RARB: variants seen among roughly 807,000 people sequenced by gnomAD.
The protein encoded by RARB is HBV-activated protein.
Under a neutral mutation model 51.9 loss-of-function variants are expected in RARB, and 17 were observed. The observed-to-expected ratio is 0.33, with a 90% CI of 0.22 to 0.49. RARB has a LOEUF of 0.49. Among genes scored for constraint, RARB ranks in the 20% least tolerant of loss-of-function variants. The pLI, the probability that RARB is intolerant of heterozygous loss-of-function variation, is 0.99. For synonymous variants in RARB, 215 were observed against 195.4 expected (o/e 1.10, Z -0.84); for missense variants, 369 against 550.8 (o/e 0.67, Z 3.30).
Position 25,098,558 on chromosome 3 carries a change from C to G in RARB, c.-327-33603C>G, listed in dbSNP as rs1225054525. On this transcript the variant is annotated intron_variant, in intron 3 of 11. Coordinates refer to the RARB transcript ENST00000383772. ...TTGCTGGGAAAAGATGAACCTAGAT[C>G]AGGATTAACAAACTACGGCTGGTGG... is the stretch of plus-strand genomic sequence containing the variant. Among the ~76,000 whole-genome samples, 3 of 152,242 alleles carry G rather than the reference C, an allele frequency of 2.0e-5. No individual in the cohort carries two copies. The East Asian group carries it at 5.8e-4, about 29-fold the overall frequency.
At chr3:25,357,126 C>T (rs973031448) in intron 5 of RARB, among the ~76,000 whole-genome samples, 2 of 152,194 alleles carry the variant, frequency 1.3e-5, no homozygotes, top group Non-Finnish European at 2.9e-5. Flanking sequence ...TTTATACTCC[C>T]ACCAACAGTG....
At chr3:25,391,046 C>T (rs532513683) in intron 5 of RARB, among the ~76,000 whole-genome samples, 29 of 152,238 alleles carry the variant, frequency 1.9e-4, no homozygotes, top group South Asian at 6.2e-4. Context: ...ATCCCTCACA[C>T]GCCCCAACCT....
chr3:25,060,502 C>A (rs1018299199), intron 3 of RARB, among the ~76,000 whole-genome samples: 3 of 151,820 alleles, frequency 2.0e-5, no homozygotes, highest in African/African-American at 7.2e-5. Flanking sequence ...GCTTCTGTTA[C>A]AGATACTCAA....
chr3:25,282,356 T>C (rs935219724), intron 5 of RARB, among the ~76,000 whole-genome samples: 27 of 152,224 alleles, frequency 1.8e-4, no homozygotes, highest in Admixed American at 1.6e-3. Flanking sequence ...CTTGAATGTT[T>C]AAATCATTCT....
chr3:25,138,000 GA>G (rs1700057194), intron 4 of RARB, among the ~76,000 whole-genome samples: 1 of 152,098 alleles, frequency 6.6e-6, no homozygotes, highest in African/African-American at 2.4e-5. Context: ...GATCAAATTT[GA>G]GATCTCATTC....
At chr3:25,479,712 G>A (rs1696136526) in intron 2 of RARB, among the ~76,000 whole-genome samples, 1 of 152,114 alleles carries the variant, frequency 6.6e-6, no homozygotes, top group Non-Finnish European at 1.5e-5. Context: ...ACCTACCAAG[G>A]CTTTATTATC....
At chr3:25,347,957 T>G (rs1358189190) in intron 5 of RARB, among the ~76,000 whole-genome samples, 1 of 152,218 alleles carries the variant, frequency 6.6e-6, no homozygotes, top group Non-Finnish European at 1.5e-5. Flanking sequence ...CTACTTCCAA[T>G]TAGTCTAGAT....
At chr3:25,546,591 T>C (rs1185292230) in intron 3 of RARB, among the ~76,000 whole-genome samples, 1 of 152,114 alleles carries the variant, frequency 6.6e-6, no homozygotes, top group Non-Finnish European at 1.5e-5. Flanking sequence ...CTGAGAAACT[T>C]ATTAGTGCCA....
chr3:25,251,334 G>A (rs1242489943), intron 5 of RARB, among the ~76,000 whole-genome samples: 1 of 151,772 alleles, frequency 6.6e-6, no homozygotes, highest in African/African-American at 2.4e-5. Flanking sequence ...ATAAATATTT[G>A]TGTACAAGTT....
chr3:25,065,236 T>C (rs1219176529), intron 3 of RARB, among the ~76,000 whole-genome samples: 1 of 152,146 alleles, frequency 6.6e-6, no homozygotes, highest in Non-Finnish European at 1.5e-5. Context: ...TTCTCCTGTT[T>C]TGTGTATCAT....
At chr3:25,286,295 A>C (rs573066305) in intron 5 of RARB, among the ~76,000 whole-genome samples, 4 of 151,924 alleles carry the variant, frequency 2.6e-5, no homozygotes, top group African/African-American at 9.7e-5. Flanking sequence ...TCACCGTGTT[A>C]GCCAGGATGG....
intron 2 of RARB, among the ~76,000 whole-genome samples, chr3:25,043,605 A>G (rs1005413339): frequency 3.3e-5 from 5 of 152,224 alleles, no homozygotes; most frequent in Non-Finnish European, 5.9e-5. Context: ...CATGGAGTTC[A>G]GGGAGAGAAA....
At chr3:25,114,477 G>T (rs961945453) in intron 3 of RARB, among the ~76,000 whole-genome samples, 14 of 152,220 alleles carry the variant, frequency 9.2e-5, no homozygotes, top group African/African-American at 3.4e-4. Context: ...ATCTTGTAGG[G>T]ATTTTACTTT....
chr3:25,164,701 T>C (rs1700532176), intron 4 of RARB, among the ~76,000 whole-genome samples: 1 of 152,244 alleles, frequency 6.6e-6, no homozygotes, highest in Non-Finnish European at 1.5e-5. Flanking sequence ...TTCAATTATG[T>C]GAATTTTTCT....
chr3:24,859,447 C>CGTTATTG (rs1330839850), intron 2 of RARB, among the ~76,000 whole-genome samples: 1 of 152,124 alleles, frequency 6.6e-6, no homozygotes. Flanking sequence ...TCAGGTGCCA[C>CGTTATTG]GTTATTGTAC....
intron 2 of RARB, among the ~76,000 whole-genome samples, chr3:25,002,346 A>G (rs1363296658): frequency 7.2e-5 from 11 of 152,038 alleles, no homozygotes; most frequent in Admixed American, 7.2e-4. Flanking sequence ...TTCTTTGGAG[A>G]TGTTCACACA....
At chr3:25,081,623 T>TA (rs1559459573) in intron 3 of RARB, among the ~76,000 whole-genome samples, 15 of 23,420 alleles carry the variant, frequency 6.4e-4, no homozygotes, top group East Asian at 4.2e-3. Flanking sequence ...ATATATATAT[T>TA]TTTTTTTTTT....
chr3:25,070,018 A>G (rs760582321), intron 3 of RARB, among the ~76,000 whole-genome samples: 7 of 152,228 alleles, frequency 4.6e-5, no homozygotes, highest in African/African-American at 9.6e-5. Context: ...GAATCAAGGT[A>G]TCAGGCAAGG....
chr3:25,544,324 A>G (rs1246296993), intron 3 of RARB, among the ~76,000 whole-genome samples: 1 of 152,238 alleles, frequency 6.6e-6, no homozygotes, highest in Non-Finnish European at 1.5e-5. Flanking sequence ...CAATTTCTAA[A>G]TTGTCTACAG....
Sources: allele counts gnomAD v4.1 joint callset (sites outside exome capture counted in the v4.1 genomes callset), GRCh38; gene constraint gnomAD v4.1.1; transcripts MANE v1.5; gene names NCBI Gene and HGNC (gene_info 2026-07-23, HGNC 2026-07-21).